Variants in TYR observed in about 807,000 individuals in gnomAD.
TYR encodes the protein LB24-AB.
Under a neutral mutation model 51.5 loss-of-function variants are expected in TYR, and 58 were observed. The observed-to-expected ratio is 1.13, with a 90% CI of 0.91 to 1.40. The LOEUF (loss-of-function observed/expected upper bound fraction) is 1.40. Among genes scored for constraint, TYR ranks in the 40% most tolerant of loss-of-function variants. The pLI, the probability that TYR is intolerant of heterozygous loss-of-function variation, is 0.00. For synonymous variants in TYR, 263 were observed against 235.2 expected, an observed-to-expected ratio of 1.12 and a Z score of -1.08; for missense variants, 732 against 647.4, an observed-to-expected ratio of 1.13 and a Z score of -1.42.
chr11:89,239,679 G>A (rs1228099211), intron 3 of TYR, among the ~76,000 whole-genome samples: 1 of 151,874 alleles, frequency 6.6e-6, no homozygotes, highest in Non-Finnish European at 1.5e-5. Context: ...GGCATTTATT[G>A]TTATAAATAT....
At chr11:89,195,512 C>G (rs1399255558) in intron 2 of TYR, among the ~76,000 whole-genome samples, 1 of 151,952 alleles carries the variant, frequency 6.6e-6, no homozygotes, top group Non-Finnish European at 1.5e-5. Context: ...AACCCCGTTT[C>G]TACTAAAAAT....
rs74544273 is a variant in TYR, at chr11:89,208,371, C to A, written c.1036+16953C>A. Among the ~76,000 whole-genome samples, 138 of 152,190 alleles carry A rather than the reference C, an allele frequency of 9.1e-4. 2 individuals carry two copies. The East Asian group carries it at 0.019, about 21-fold the overall frequency. On this transcript the variant is annotated intron_variant, in intron 2 of 4. Transcript: ENST00000263321. ...TGAGATAAAAGACGTATTAGGAACC[C>A]TATTTCAGTCAAGCAAGGAGCAATA... is the stretch of plus-strand genomic sequence containing the variant.
At chr11:89,269,439 G>A (rs1944564180) in intron 3 of TYR, among the ~76,000 whole-genome samples, 1 of 151,874 alleles carries the variant, frequency 6.6e-6, no homozygotes, top group African/African-American at 2.4e-5. Flanking sequence ...ATAGCAGGGT[G>A]CCTGATACTT....
intron 2 of TYR, among the ~76,000 whole-genome samples, chr11:89,223,771 T>A (rs1484260735): frequency 1.3e-5 from 2 of 152,188 alleles, no homozygotes; most frequent in Non-Finnish European, 2.9e-5. Flanking sequence ...ATTGTTACTA[T>A]AATAAAACTG....
intron 1 of TYR, among the ~76,000 whole-genome samples, chr11:89,189,708 A>G (rs928349184): frequency 6.6e-6 from 1 of 152,132 alleles, no homozygotes; most frequent in Admixed American, 6.6e-5. Context: ...TTTATTTTCT[A>G]TAACTATGTG....
chr11:89,268,165 T>A (rs1372847944), intron 3 of TYR, among the ~76,000 whole-genome samples: 3 of 151,950 alleles, frequency 2.0e-5, no homozygotes, highest in African/African-American at 7.2e-5. Context: ...ACATAGCTCA[T>A]AGGGTTGTTC....
At chr11:89,200,865 T>C (rs989179847) in intron 2 of TYR, among the ~76,000 whole-genome samples, 1 of 152,138 alleles carries the variant, frequency 6.6e-6, no homozygotes. Context: ...ATACTAAAAC[T>C]TCACAAATGG....
intron 2 of TYR, among the ~76,000 whole-genome samples, chr11:89,203,473 T>C (rs1025100672): frequency 5.3e-5 from 8 of 152,166 alleles, no homozygotes; most frequent in Non-Finnish European, 1.0e-4. Flanking sequence ...AGAAACATGA[T>C]TGTCAATAAC....
intron 1 of TYR, among the ~76,000 whole-genome samples, chr11:89,182,913 C>T (rs921509511): frequency 1.1e-4 from 17 of 151,928 alleles, no homozygotes; most frequent in African/African-American, 3.4e-4. Context: ...TGAATTGTGA[C>T]CAGGGAATTC....
chr11:89,178,890 T>G, intron 1 of TYR, 118 bp downstream of exon 1: 1 of 994,650 alleles, frequency 1.0e-6, no homozygotes. Context: ...AGGACAGAAA[T>G]GGTGCCCTGT....
intron 2 of TYR, among the ~76,000 whole-genome samples, chr11:89,201,365 G>C (rs1356521105): frequency 6.6e-6 from 1 of 152,070 alleles, no homozygotes; most frequent in African/African-American, 2.4e-5. Flanking sequence ...TTTCCTGTGG[G>C]AAACATGATT....
At chr11:89,277,086 A>G (rs1336956695) in intron 3 of TYR, among the ~76,000 whole-genome samples, 2 of 151,850 alleles carry the variant, frequency 1.3e-5, no homozygotes, top group African/African-American at 4.8e-5. Flanking sequence ...ATACATTAAA[A>G]TAGATAGTAC....
At position 89,178,073 on chromosome 11, in the gene TYR, C is replaced by T. The variant is rs373294031; in HGVS notation, c.120C>T (p.Ser40=). Residue 40 remains serine (S), a synonymous_variant, in exon 1 of 5, where the codon AGC becomes AGT. Transcript: ENST00000263321. ...AGAAGGAATGCTGTCCACCGTGGAG[C>T]GGGGACAGGAGTCCCTGTGGCCAGC... ...LMEKECCPPW[S]GDRSPCGQLS... 6.8e-6 allele frequency: 11 copies of T among 1,613,984 alleles called. No homozygotes were observed. Among genetic ancestry groups the T allele is most frequent in the African/African-American group, 4.0e-5 (3 of 74,920 alleles).
At chr11:89,195,623 G>C (rs1164572486) in intron 2 of TYR, among the ~76,000 whole-genome samples, 2 of 151,976 alleles carry the variant, frequency 1.3e-5, no homozygotes, top group Non-Finnish European at 2.9e-5. Flanking sequence ...AGGCTGCAGT[G>C]AGCCTAGATC....
intron 3 of TYR, among the ~76,000 whole-genome samples, chr11:89,248,633 C>A (rs11018553): frequency 6.6e-6 from 1 of 152,148 alleles, no homozygotes; most frequent in African/African-American, 2.4e-5. Flanking sequence ...CAATAGAGCC[C>A]TAAGTACAGT....
chr11:89,237,605 A>G (rs1255499962), intron 3 of TYR, among the ~76,000 whole-genome samples: 1 of 152,016 alleles, frequency 6.6e-6, no homozygotes, highest in Non-Finnish European at 1.5e-5. Flanking sequence ...TTTGTAGTAT[A>G]TTTTGCAGTC....
At chr11:89,218,976 C>T (rs1943872138) in intron 2 of TYR, among the ~76,000 whole-genome samples, 1 of 152,174 alleles carries the variant, frequency 6.6e-6, no homozygotes, top group African/African-American at 2.4e-5. Flanking sequence ...GTAAATTTAA[C>T]CTGCCCTTGC....
intron 3 of TYR, among the ~76,000 whole-genome samples, chr11:89,230,770 A>G (rs549365077): frequency 7.9e-5 from 12 of 152,228 alleles, no homozygotes; most frequent in African/African-American, 2.6e-4. Context: ...CAACAGGTAC[A>G]TGAAAAGATG....
rs1238933751 is a variant in TYR, at chr11:89,295,205, T to C, written c.1429T>C (p.Trp477Arg). 1 of 1,613,880 alleles carries C rather than the reference T, an allele frequency of 6.2e-7. No individual in the cohort carries two copies. The highest frequency in any genetic ancestry group is 2.2e-5 in the East Asian group (1 of 44,886). The change falls in exon 5 of 5, where the codon TGG becomes CGG. Residue 477 changes from tryptophan to arginine, a missense_variant. Transcript: ENST00000263321. ...YLEQASRIWS[W>R]LLGAAMVGAV... ...GGAACAAGCGAGTCGGATCTGGTCA[T>C]GGCTCCTTGGGGCGGCGATGGTAGG...
Sources: gnomAD v4.1 joint callset for allele counts (sites outside exome capture counted in the v4.1 genomes callset) on GRCh38, gnomAD v4.1.1 for gene constraint, MANE v1.5 for transcripts, NCBI Gene and HGNC (gene_info 2026-07-23, HGNC 2026-07-21) for gene names.